The following PARP8 variants were observed in gnomAD, a reference collection of about 807,000 sequenced individuals.
PARP8 encodes the protein protein mono-ADP-ribosyltransferase PARP8.
Under a neutral mutation model 124.1 loss-of-function variants are expected in PARP8, and 51 were observed. The observed-to-expected ratio is 0.41, with a 90% CI of 0.33 to 0.52. The LOEUF (loss-of-function observed/expected upper bound fraction) is 0.52, where lower values mean the gene tolerates loss of function less well. PARP8 is among the 20% of genes least tolerant of loss of function. The pLI, the probability that PARP8 is intolerant of heterozygous loss-of-function variation, is 0.21. For synonymous variants in PARP8, 391 were observed against 361.5 expected (o/e 1.08, Z -0.93); for missense variants, 860 against 1,018.9 (o/e 0.84, Z 2.12).
At chr5:50,801,250 C>T (rs1436528904) in intron 14 of PARP8, among the ~76,000 whole-genome samples, 1 of 152,054 alleles carries the variant, frequency 6.6e-6, no homozygotes, top group Non-Finnish European at 1.5e-5. Context: ...CAGGCATGCA[C>T]CACCACACCC....
chr5:50,733,101 A>C (rs1366245874), intron 2 of PARP8, among the ~76,000 whole-genome samples: 1 of 152,002 alleles, frequency 6.6e-6, no homozygotes, highest in East Asian at 2.0e-4. Context: ...CAGGAGTTTG[A>C]GAACAGTCTG....
chr5:50,797,361 A>C, intron 14 of PARP8, 128 bp downstream of exon 14: 1 of 651,868 alleles, frequency 1.5e-6, no homozygotes, highest in South Asian at 2.7e-5. Flanking sequence ...AATTATTTAC[A>C]TATAATTTTG....
chr5:50,820,318 A>G (rs1337704098), intron 15 of PARP8, among the ~76,000 whole-genome samples: 1 of 152,216 alleles, frequency 6.6e-6, no homozygotes, highest in African/African-American at 2.4e-5. Context: ...ATAAAGATAT[A>G]TATGCTTCCT....
At chr5:50,689,251 G>C (rs1402525481) in intron 2 of PARP8, among the ~76,000 whole-genome samples, 1 of 152,080 alleles carries the variant, frequency 6.6e-6, no homozygotes, top group Non-Finnish European at 1.5e-5. Context: ...TCACAGCTTT[G>C]ATTTTCTTGG....
At chr5:50,771,150 A>C (rs1351077424) in intron 7 of PARP8, among the ~76,000 whole-genome samples, 1 of 150,264 alleles carries the variant, frequency 6.7e-6, no homozygotes, top group African/African-American at 2.4e-5. Flanking sequence ...TATATATAAT[A>C]TATATATATT....
intron 2 of PARP8, among the ~76,000 whole-genome samples, chr5:50,705,786 A>T (rs1294486047): frequency 6.6e-6 from 1 of 152,152 alleles, no homozygotes; most frequent in Admixed American, 6.5e-5. Flanking sequence ...TTTCCCAAAA[A>T]AAAAAGGGGG....
At chr5:50,709,955 T>TACATACAC (rs1754588170) in intron 2 of PARP8, among the ~76,000 whole-genome samples, 1 of 103,322 alleles carries the variant, frequency 9.7e-6, no homozygotes, top group Admixed American at 1.1e-4. Flanking sequence ...TATATATATA[T>TACATACAC]ACACATACAT....
intron 2 of PARP8, among the ~76,000 whole-genome samples, chr5:50,747,163 G>GTTTTTTTTTTTTTTTTTT (rs1211253892): frequency 8.4e-5 from 8 of 95,504 alleles, no homozygotes; most frequent in East Asian, 3.2e-4. Flanking sequence ...TGTTTGTTTT[G>GTTTTTTTTTTTTTTTTTT]TTTTTTTTTT....
intron 2 of PARP8, among the ~76,000 whole-genome samples, chr5:50,749,040 CT>C (rs1210163611): frequency 6.6e-6 from 1 of 152,072 alleles, no homozygotes; most frequent in African/African-American, 2.4e-5. Context: ...TTGGTTTTTC[CT>C]TTACATCCTT....
intron 8 of PARP8, 114 bp downstream of exon 8, chr5:50,778,243 C>T (rs1207197755): frequency 2.6e-6 from 2 of 781,506 alleles, no homozygotes; most frequent in African/African-American, 3.5e-5. Context: ...TACATATTGA[C>T]TGTTAAGGTG....
rs1453739669 is a variant in PARP8 at position 50,844,146 on chromosome 5, G to A, written c.*2078G>A. The A allele has an allele frequency of 2.6e-5, 4 of 151,818 alleles. No individual in the cohort carries two copies. The highest frequency in any genetic ancestry group is 4.4e-5 in the Non-Finnish European group (3 of 67,850). 9.4% of individuals were successfully genotyped at this position (151,818 alleles called of 1,614,324 possible). ...AATTGGCATAATACAAACTGTTCCT[G>A]TTGACTTAAGAATAACAGTAGGTTC... On this transcript the variant is annotated 3_prime_UTR_variant, in exon 26 of 26. Transcript: ENST00000281631.
At chr5:50,756,475 G>A (rs1759970753) in intron 3 of PARP8, among the ~76,000 whole-genome samples, 1 of 151,876 alleles carries the variant, frequency 6.6e-6, no homozygotes, top group African/African-American at 2.4e-5. Flanking sequence ...AAGTAATTAA[G>A]CAAGAACAAA....
At chr5:50,757,450 C>T (rs1760089256) in intron 3 of PARP8, among the ~76,000 whole-genome samples, 1 of 152,102 alleles carries the variant, frequency 6.6e-6, no homozygotes, top group African/African-American at 2.4e-5. Flanking sequence ...GGGTCTATCT[C>T]TGTGATCTGA....
intron 2 of PARP8, among the ~76,000 whole-genome samples, chr5:50,708,153 C>G (rs1754356955): frequency 6.6e-6 from 1 of 151,852 alleles, no homozygotes; most frequent in Non-Finnish European, 1.5e-5. Flanking sequence ...AGTCATGGTT[C>G]TCAATAATTT....
At chr5:50,800,455 A>G (rs571145388) in intron 14 of PARP8, among the ~76,000 whole-genome samples, 54 of 152,094 alleles carry the variant, frequency 3.6e-4, no homozygotes, top group Non-Finnish European at 6.6e-4. Context: ...GAACTTCAAT[A>G]CAAGACTGAT....
intron 3 of PARP8, among the ~76,000 whole-genome samples, chr5:50,751,624 G>T (rs1759277204): frequency 1.3e-5 from 2 of 152,024 alleles, no homozygotes; most frequent in Admixed American, 6.6e-5. Context: ...AATTTCATTT[G>T]ATTCTCAATG....
chr5:50,680,186 G>A (rs1751126787), intron 2 of PARP8, among the ~76,000 whole-genome samples: 1 of 152,176 alleles, frequency 6.6e-6, no homozygotes. Context: ...TGTCCACTCT[G>A]CCTTCTTCAA....
At chr5:50,741,738 C>T in intron 2 of PARP8, 2 of 362,548 alleles carry the variant, frequency 5.5e-6, no homozygotes, top group Non-Finnish European at 1.1e-5. Context: ...CAAGAGTCTT[C>T]ATCCTTTTAC....
intron 7 of PARP8, among the ~76,000 whole-genome samples, chr5:50,774,849 G>A (rs1739775486): frequency 6.9e-6 from 1 of 144,610 alleles, no homozygotes; most frequent in Non-Finnish European, 1.5e-5. Flanking sequence ...AGATGGGGTG[G>A]TGGCCAGGCA....
Sources: allele counts gnomAD v4.1 joint callset (sites outside exome capture counted in the v4.1 genomes callset), GRCh38; gene constraint gnomAD v4.1.1; transcripts MANE v1.5; gene names NCBI Gene and HGNC (gene_info 2026-07-23, HGNC 2026-07-21).